Variants in CCDC3 observed in about 807,000 individuals in gnomAD.
CCDC3 encodes coiled-coil domain containing 3.
CCDC3 carries 24 observed loss-of-function variants against 21.4 expected under a neutral mutation model. The observed-to-expected ratio is 1.12, with a 90% confidence interval of 0.81 to 1.58. The LOEUF (loss-of-function observed/expected upper bound fraction) is 1.58, where lower values mean the gene tolerates loss of function less well. CCDC3 is among the 40% of genes most tolerant of loss of function. The pLI is 0.00. For synonymous variants in CCDC3, 186 were observed against 166.0 expected, an observed-to-expected ratio of 1.12 and a Z score of -0.93; for missense variants, 425 against 360.9, an observed-to-expected ratio of 1.18 and a Z score of -1.44.
chr10:13,017,385 C>T lies in CCDC3; in HGVS notation c.-1-18873G>A, dbSNP rs911936579. On this transcript the variant is annotated intron_variant, in intron 5 of 6. Transcript: ENST00000378839. Reference sequence around the variant, plus strand: ...TACAAAAATTAGCCAGGTGTGGTGGCGGGTGCCTGTAGTCTCAGCTACTTG... The same window carrying T: ...TACAAAAATTAGCCAGGTGTGGTGGTGGGTGCCTGTAGTCTCAGCTACTTG... 1.0e-3 allele frequency among the ~76,000 whole-genome samples: 153 copies of T among 151,548 alleles called. 5 individuals carry two copies. Among genetic ancestry groups the T allele is most frequent in the Admixed American group, 1.5e-3 (23 of 15,220 alleles).
intron 5 of CCDC3, among the ~76,000 whole-genome samples, chr10:13,048,427 T>C (rs967646832): frequency 2.0e-5 from 3 of 152,208 alleles, no homozygotes; most frequent in Middle Eastern, 3.4e-3. Context: ...TTCCTGACCT[T>C]GTGATCTGCC....
chr10:13,029,307 A>G (rs1312399937), intron 5 of CCDC3, among the ~76,000 whole-genome samples: 1 of 152,216 alleles, frequency 6.6e-6, no homozygotes, highest in African/African-American at 2.4e-5. Flanking sequence ...AATAGAAAGG[A>G]CATGCACACC....
intron 2 of CCDC3, among the ~76,000 whole-genome samples, chr10:12,997,520 G>C (rs751540570): frequency 6.6e-6 from 1 of 152,140 alleles, no homozygotes; most frequent in Non-Finnish European, 1.5e-5. Flanking sequence ...CAACCCTTAC[G>C]ATCCCGACCC....
exon 4 of CCDC3, chr10:13,074,065 T>G (rs1426793204): frequency 2.6e-5 from 4 of 151,120 alleles, no homozygotes; most frequent in Non-Finnish European, 4.4e-5. Context: ...ATCCTCCATT[T>G]ATATGATAAT....
chr10:12,904,306 A>C (rs1007485818), intron 2 of CCDC3, among the ~76,000 whole-genome samples: 2 of 151,602 alleles, frequency 1.3e-5, no homozygotes, highest in African/African-American at 4.9e-5. Context: ...ATCTCTAAAA[A>C]ATAAAAATAA....
At chr10:12,925,184 C>T (rs112629403) in intron 2 of CCDC3, among the ~76,000 whole-genome samples, 11 of 152,136 alleles carry the variant, frequency 7.2e-5, no homozygotes, top group Non-Finnish European at 1.3e-4. Flanking sequence ...GACTGGCTGG[C>T]ATCCCTCAGG....
intron 2 of CCDC3, among the ~76,000 whole-genome samples, chr10:12,964,230 G>T (rs1835225481): frequency 6.6e-6 from 1 of 152,000 alleles, no homozygotes; most frequent in Non-Finnish European, 1.5e-5. Context: ...AAATTAGCTG[G>T]GCATGGTGGT....
chr10:12,948,151 C>T (rs533439117), intron 2 of CCDC3, among the ~76,000 whole-genome samples: 1 of 152,198 alleles, frequency 6.6e-6, no homozygotes, highest in South Asian at 2.1e-4. Context: ...CCCACGAGAT[C>T]TGATGGTTTT....
chr10:13,004,398 T>C (rs1835901736), upstream of CCDC3, among the ~76,000 whole-genome samples: 1 of 152,142 alleles, frequency 6.6e-6, no homozygotes, highest in Non-Finnish European at 1.5e-5. Context: ...AAAGAAGCAA[T>C]GCTGTGGGAA....
At chr10:13,014,159 G>T (rs934554042) in intron 5 of CCDC3, among the ~76,000 whole-genome samples, 21 of 150,954 alleles carry the variant, frequency 1.4e-4, no homozygotes, top group African/African-American at 4.6e-4. Flanking sequence ...TCAAAAAAAA[G>T]AAAAGGAAAG....
rs189456098 is a variant in CCDC3 at position 13,048,439 on chromosome 10, A to C, written c.-2+1235T>G. Among the ~76,000 whole-genome samples, 15 of 152,122 alleles carry C rather than the reference A, an allele frequency of 9.9e-5. 1 individual carries two copies. The East Asian group carries it at 2.5e-3, about 26-fold the overall frequency. ...GATTTCCTGACCTTGTGATCTGCCCACCTCGGCCTCCCAAAGTGCTGGGAT... is the reference window on the plus strand; with the variant it reads ...GATTTCCTGACCTTGTGATCTGCCCCCCTCGGCCTCCCAAAGTGCTGGGAT... On this transcript the variant is annotated intron_variant, in intron 5 of 6. Transcript: ENST00000378839.
At chr10:12,936,591 G>A (rs1834742376) in intron 2 of CCDC3, among the ~76,000 whole-genome samples, 1 of 152,136 alleles carries the variant, frequency 6.6e-6, no homozygotes, top group Non-Finnish European at 1.5e-5. Context: ...ATAGGTTTTT[G>A]GCATTTCACT....
At chr10:12,940,873 A>G (rs1485227265) in intron 2 of CCDC3, among the ~76,000 whole-genome samples, 1 of 152,226 alleles carries the variant, frequency 6.6e-6, no homozygotes, top group Non-Finnish European at 1.5e-5. Context: ...AGGCTTACCC[A>G]GCACTGTCCA....
chr10:13,093,499 A>T (rs1386093853), intron 3 of CCDC3, among the ~76,000 whole-genome samples: 2 of 152,238 alleles, frequency 1.3e-5, no homozygotes, highest in Non-Finnish European at 2.9e-5. Context: ...CAACCTCTAC[A>T]GAAGGAAGAG....
At chr10:12,992,919 CGTGA>C (rs1835702397) in intron 2 of CCDC3, among the ~76,000 whole-genome samples, 1 of 152,192 alleles carries the variant, frequency 6.6e-6, no homozygotes, top group Admixed American at 6.5e-5. Context: ...AGAGACCCCA[CGTGA>C]GTGTGTTATC....
At chr10:12,951,806 A>AAAAG (rs1214052433) in intron 2 of CCDC3, among the ~76,000 whole-genome samples, 2 of 149,290 alleles carry the variant, frequency 1.3e-5, no homozygotes, top group East Asian at 3.9e-4. Context: ...CTTCATCTCA[A>AAAAG]AAAAAAAAAA....
At chr10:13,066,769 G>A (rs560448222) in intron 4 of CCDC3, among the ~76,000 whole-genome samples, 4 of 152,322 alleles carry the variant, frequency 2.6e-5, no homozygotes, top group South Asian at 2.1e-4. Flanking sequence ...CACAGGCAGC[G>A]GGAGGAGCCT....
intron 2 of CCDC3, among the ~76,000 whole-genome samples, chr10:12,903,443 G>A (rs1349506542): frequency 4.6e-5 from 7 of 152,166 alleles, no homozygotes; most frequent in African/African-American, 1.7e-4. Flanking sequence ...GTCCAGATAC[G>A]CTATTTGCTC....
intron 5 of CCDC3, among the ~76,000 whole-genome samples, chr10:13,029,485 T>C (rs1262655817): frequency 6.6e-6 from 1 of 152,138 alleles, no homozygotes; most frequent in Non-Finnish European, 1.5e-5. Context: ...GGACAGAGAA[T>C]GACTTTGACA....
Sources: allele counts gnomAD v4.1 joint callset (sites outside exome capture counted in the v4.1 genomes callset), GRCh38; gene constraint gnomAD v4.1.1; transcripts MANE v1.5; gene names NCBI Gene and HGNC (gene_info 2026-07-23, HGNC 2026-07-21).